PUDP: variants seen among roughly 807,000 people sequenced by gnomAD.
The protein encoded by PUDP is pseudouridine 5'-phosphatase, also known as pseudouridine-5'-phosphatase.
Under a neutral mutation model 9.4 loss-of-function variants are expected in PUDP, and 8 were observed. The ratio of observed to expected loss-of-function variants is 0.85; its 90% CI spans 0.50 to 1.53. The LOEUF is 1.53. Ranked by LOEUF, PUDP falls within the 40% of genes most tolerant of loss-of-function variation. The pLI, the probability that PUDP is intolerant of heterozygous loss-of-function variation, is 0.00. For missense variants in PUDP, 188 were observed against 189.7 expected, an observed-to-expected ratio of 0.99 and a Z score of 0.05; for synonymous variants, 99 against 80.7, an observed-to-expected ratio of 1.23 and a Z score of -1.22.
rs1419597184 is a variant in PUDP at position 6,887,271 on chromosome X, T to A, written c.*247+89862A>T. 2.8e-5 allele frequency among the ~76,000 whole-genome samples: 3 copies of A among 108,124 alleles called. No homozygotes were observed. In the East Asian group the frequency reaches 8.5e-4, roughly 31 times the overall value. The allele number at this position is 108,124 out of a possible 115,157, so 93.9% of individuals were successfully genotyped here. A position where few individuals can be genotyped will look rare whatever the true frequency, so the allele number is the denominator to read the frequency against. On this transcript the variant is annotated intron_variant and NMD_transcript_variant, in intron 3 of 3. Coordinates refer to the PUDP transcript ENST00000655425. ...TATTAATTATGATATATTATTTATATGTACATTTCCAAATGTGCTCTTAGC... is the reference window on the plus strand; with the variant it reads ...TATTAATTATGATATATTATTTATAAGTACATTTCCAAATGTGCTCTTAGC...
intron 3 of PUDP, among the ~76,000 whole-genome samples, chrX:6,826,855 C>T (rs910461076): frequency 8.1e-5 from 9 of 111,721 alleles, no homozygotes; most frequent in Non-Finnish European, 1.7e-4. Context: ...CACAGATTGA[C>T]CATAAACTCC....
intron 1 of PUDP, among the ~76,000 whole-genome samples, chrX:7,146,504 T>C (rs1246114598): frequency 9.0e-6 from 1 of 111,637 alleles, no homozygotes; most frequent in Non-Finnish European, 1.9e-5. Flanking sequence ...ACAAGCTTTC[T>C]GAAATTGAGT....
rs893104192 is a variant in PUDP, at chrX:7,068,094, G to A, written c.510+9126C>T. 5.4e-5 allele frequency among the ~76,000 whole-genome samples: 6 copies of A among 111,812 alleles called. No individual in the cohort carries two copies. The East Asian group carries it at 8.4e-4, about 16-fold the overall frequency. On this transcript the variant is annotated intron_variant, in intron 3 of 3. Transcript: ENST00000381077. ...TTTTGGGTATGTCTTTATTAGAAGC[G>A]TGAAAACAGACTAATATAGAAGGCC...
intron 3 of PUDP, among the ~76,000 whole-genome samples, chrX:6,801,746 T>C (rs1218625502): frequency 1.8e-5 from 2 of 111,917 alleles, no homozygotes; most frequent in Non-Finnish European, 3.8e-5. Context: ...TTAACATGTG[T>C]CTCTTTGTAA....
intron 3 of PUDP, among the ~76,000 whole-genome samples, chrX:6,909,386 C>A (rs1220757231): frequency 8.9e-6 from 1 of 111,935 alleles, no homozygotes; most frequent in Non-Finnish European, 1.9e-5. Flanking sequence ...CTTCAAACAG[C>A]CATCGCCCAA....
rs755138794 is a variant in PUDP at position 6,767,592 on chromosome X, G to C, written c.*248-61126C>G. On this transcript the variant is annotated intron_variant and NMD_transcript_variant, in intron 3 of 3. Transcript: ENST00000655425. ...GCCCACGATGGGATATAGCAGCGCA[G>C]TCATTCCACACAAATGGACTTTAGG... 3.6e-5 allele frequency among the ~76,000 whole-genome samples: 4 copies of C among 112,514 alleles called. No homozygotes were observed. In the Admixed American group the frequency reaches 3.8e-4, roughly 11 times the overall value.
chrX:6,760,625 G>A lies in PUDP; in HGVS notation c.*248-54159C>T, dbSNP rs372297255. 5.4e-4 allele frequency among the ~76,000 whole-genome samples: 61 copies of A among 111,997 alleles called. No individual in the cohort carries two copies. In the South Asian group the frequency reaches 9.7e-3, roughly 18 times the overall value. ...GACACCTTCTGCAGAGCCACACGTCGAAAATCAGTCCCAATTTTCAAAATC... is the reference window on the plus strand; with the variant it reads ...GACACCTTCTGCAGAGCCACACGTCAAAAATCAGTCCCAATTTTCAAAATC... On this transcript the variant is annotated intron_variant and NMD_transcript_variant, in intron 3 of 3. Coordinates refer to the PUDP transcript ENST00000655425.
intron 3 of PUDP, among the ~76,000 whole-genome samples, chrX:6,961,727 C>A (rs750416173): frequency 7.2e-5 from 8 of 111,300 alleles, no homozygotes; most frequent in Non-Finnish European, 1.5e-4. Context: ...AAGCTACATC[C>A]CTAAGTTTAT....
intron 3 of PUDP, among the ~76,000 whole-genome samples, chrX:6,834,161 C>T (rs928598393): frequency 1.8e-5 from 2 of 111,835 alleles, no homozygotes; most frequent in Non-Finnish European, 3.8e-5. Flanking sequence ...AGGAAACAAA[C>T]AGGAAAAGCG....
intron 3 of PUDP, among the ~76,000 whole-genome samples, chrX:6,742,766 C>A (rs1051141755): frequency 1.8e-5 from 2 of 111,443 alleles, no homozygotes; most frequent in South Asian, 3.8e-4. Context: ...TAGAGCAAGA[C>A]CCTGCCTCAA....
intron 2 of PUDP, among the ~76,000 whole-genome samples, chrX:7,078,910 A>C (rs919231037): frequency 7.1e-5 from 8 of 112,084 alleles, no homozygotes; most frequent in Non-Finnish European, 1.5e-4. Context: ...TGCTGCAAAG[A>C]AGCAAATACC....
At chrX:7,001,994 T>C (rs1003530371) in intron 1 of PUDP, among the ~76,000 whole-genome samples, 30 of 110,991 alleles carry the variant, frequency 2.7e-4, no homozygotes, top group Non-Finnish European at 4.7e-4. Context: ...CTTCAGTTTG[T>C]CAAAAAATGC....
chrX:6,712,672 C>A (rs1228118765), intron 1 of PUDP, among the ~76,000 whole-genome samples: 1 of 111,663 alleles, frequency 9.0e-6, no homozygotes, highest in Non-Finnish European at 1.9e-5. Context: ...GCAGCCCTCA[C>A]AGGATCAGGA....
At chrX:7,037,524 G>A (rs1039170220) in intron 1 of PUDP, among the ~76,000 whole-genome samples, 1 of 111,528 alleles carries the variant, frequency 9.0e-6, no homozygotes, top group Non-Finnish European at 1.9e-5. Context: ...CTATGAACTG[G>A]GTCCACTCTG....
intron 3 of PUDP, among the ~76,000 whole-genome samples, chrX:6,824,928 C>T (rs912041207): frequency 1.8e-5 from 2 of 112,049 alleles, no homozygotes; most frequent in African/African-American, 6.5e-5. Context: ...AGGTGGAAGA[C>T]GGTTTGTTGT....
intron 3 of PUDP, among the ~76,000 whole-genome samples, chrX:6,762,249 A>G (rs1484869700): frequency 1.8e-5 from 2 of 111,781 alleles, no homozygotes; most frequent in Non-Finnish European, 3.8e-5. Context: ...TCTTGACCCA[A>G]TGGTCTATAT....
At chrX:7,064,537 G>C (rs1394163457) in intron 3 of PUDP, among the ~76,000 whole-genome samples, 1 of 111,306 alleles carries the variant, frequency 9.0e-6, no homozygotes, top group Non-Finnish European at 1.9e-5. Context: ...GAATAAATCA[G>C]GTGGGAGATG....
chrX:7,103,649 A>G (rs759904056), intron 2 of PUDP, among the ~76,000 whole-genome samples: 1 of 112,523 alleles, frequency 8.9e-6, no homozygotes, highest in Non-Finnish European at 1.9e-5. Flanking sequence ...GTCATAAGTC[A>G]TATGTCTGAT....
intron 1 of PUDP, among the ~76,000 whole-genome samples, chrX:7,123,583 G>A (rs1319987120): frequency 8.9e-6 from 1 of 111,808 alleles, no homozygotes. Context: ...AAAAGGTAGA[G>A]ATTGAAGAAT....
Sources: gnomAD v4.1 joint callset for allele counts (sites outside exome capture counted in the v4.1 genomes callset) on GRCh38, gnomAD v4.1.1 for gene constraint, MANE v1.5 for transcripts, NCBI Gene and HGNC (gene_info 2026-07-23, HGNC 2026-07-21) for gene names.